Variants in DMD observed in about 807,000 individuals in gnomAD.
DMD encodes the protein mutant dystrophin.
In DMD, 63 loss-of-function variants were observed where a neutral mutation model predicts 330.1. The ratio of observed to expected loss-of-function variants is 0.19; its 90% confidence interval spans 0.16 to 0.24. DMD has a LOEUF of 0.24. Among genes scored for constraint, DMD ranks in the 10% least tolerant of loss-of-function variants. DMD has a pLI of 1.00. For synonymous variants in DMD, 1,223 were observed against 959.8 expected, an observed-to-expected ratio of 1.27 and a Z score of -5.07; for missense variants, 3,344 against 2,684.1, an observed-to-expected ratio of 1.25 and a Z score of -5.43.
intron 1 of DMD, among the ~76,000 whole-genome samples, chrX:33,096,046 C>T (rs1276211729): frequency 3.3e-5 from 3 of 89,667 alleles, no homozygotes; most frequent in East Asian, 7.7e-4. Flanking sequence ...GCGATCTCGG[C>T]TCACTGCAAC....
At chrX:31,742,025 T>G (rs2087388935) in intron 51 of DMD, among the ~76,000 whole-genome samples, 1 of 112,210 alleles carries the variant, frequency 8.9e-6, no homozygotes, top group Non-Finnish European at 1.9e-5. Flanking sequence ...TCATTAAGGC[T>G]CATGAACATA....
At chrX:32,824,123 G>A (rs2078503642) in intron 4 of DMD, among the ~76,000 whole-genome samples, 1 of 112,174 alleles carries the variant, frequency 8.9e-6, no homozygotes, top group African/African-American at 3.2e-5. Context: ...TGGTGAGGGT[G>A]TGGAGAAACT....
chrX:32,042,539 C>T (rs1005773947), intron 44 of DMD, among the ~76,000 whole-genome samples: 7 of 111,120 alleles, frequency 6.3e-5, no homozygotes, highest in South Asian at 3.9e-4. Context: ...CCTTGACACA[C>T]GGGGATTATA....
intron 1 of DMD, among the ~76,000 whole-genome samples, chrX:33,022,089 T>C (rs1293276408): frequency 1.8e-5 from 2 of 111,511 alleles, no homozygotes; most frequent in Non-Finnish European, 3.8e-5. Context: ...TAAAAGTAAA[T>C]GACCTTATTT....
At chrX:31,158,323 G>T (rs751998745) in intron 74 of DMD, among the ~76,000 whole-genome samples, 2 of 111,940 alleles carry the variant, frequency 1.8e-5, no homozygotes, top group South Asian at 7.5e-4. Flanking sequence ...AAAAGATTAC[G>T]CTATGTGAAA....
chrX:31,942,466 C>T (rs979488660), intron 45 of DMD, among the ~76,000 whole-genome samples: 1 of 112,240 alleles, frequency 8.9e-6, no homozygotes, highest in African/African-American at 3.2e-5. Context: ...TCTTTCTTTG[C>T]ACTGTATAGT....
intron 7 of DMD, among the ~76,000 whole-genome samples, chrX:32,791,701 T>A (rs1473646694): frequency 2.7e-5 from 3 of 111,430 alleles, no homozygotes; most frequent in Admixed American, 9.5e-5. Flanking sequence ...TAACAAAAAA[T>A]TTTAAAAAAA....
At chrX:32,260,731 A>G (rs138515154) in intron 43 of DMD, among the ~76,000 whole-genome samples, 1,332 of 95,691 alleles carry the variant, frequency 0.014, 17 homozygotes, top group African/African-American at 0.042. Context: ...AGAACTATAC[A>G]TTATCCCTCC....
chrX:32,151,459 A>G (rs950777264), intron 44 of DMD: 1 of 111,842 alleles, frequency 8.9e-6, no homozygotes, highest in South Asian at 3.8e-4. Flanking sequence ...ACAATCATCA[A>G]GGGAGTTTAG....
chrX:32,350,797 T>A lies in DMD; in HGVS notation c.5326-2269A>T, dbSNP rs1377566105. On this transcript the variant is annotated intron_variant, in intron 37 of 78. Transcript: ENST00000357033. ...CCAGCACAGTAGTCAAGGCTTCTCC[T>A]AATCTTGCCCCAAAGACTTGCCAGC... Among the ~76,000 whole-genome samples the A allele has an allele frequency of 5.4e-5, 6 of 111,531 alleles. No individual in the cohort carries two copies. In the East Asian group the frequency reaches 1.7e-3, roughly 31 times the overall value.
intron 44 of DMD, among the ~76,000 whole-genome samples, chrX:32,199,423 T>G (rs1225050580): frequency 9.0e-6 from 1 of 110,813 alleles, no homozygotes; most frequent in Non-Finnish European, 1.9e-5. Context: ...CACTGAGTGC[T>G]GTTGGGTACT....
chrX:32,812,462 G>A (rs995435578), intron 6 of DMD, among the ~76,000 whole-genome samples: 1 of 110,842 alleles, frequency 9.0e-6, no homozygotes, highest in Non-Finnish European at 1.9e-5. Flanking sequence ...GTAAAACCCC[G>A]ACACTACTAA....
chrX:33,149,144 A>C (rs2148619061), intron 1 of DMD, among the ~76,000 whole-genome samples: 1 of 110,567 alleles, frequency 9.0e-6, no homozygotes, highest in East Asian at 2.8e-4. Flanking sequence ...TATATAATAA[A>C]ATAATTATGT....
rs1048836742 is a variant in DMD, at chrX:33,021,780, C to A, written c.32-1580G>T. Reference sequence around the variant, plus strand: ...TATTTAATTATGTTATTCACACAAGCTTCTATATGTATGTTCAATATCAAC... The same window carrying A: ...TATTTAATTATGTTATTCACACAAGATTCTATATGTATGTTCAATATCAAC... On this transcript the variant is annotated intron_variant, in intron 1 of 78. Transcript: ENST00000357033. 1.9e-4 allele frequency among the ~76,000 whole-genome samples: 21 copies of A among 111,511 alleles called. No homozygotes were observed. In the East Asian group the frequency reaches 5.6e-3, roughly 30 times the overall value.
chrX:31,141,310 C>G (rs1407406279), intron 76 of DMD, among the ~76,000 whole-genome samples: 4 of 112,325 alleles, frequency 3.6e-5, no homozygotes, highest in Non-Finnish European at 3.8e-5. Context: ...TGCTATATTT[C>G]AGGTTAAGAA....
intron 55 of DMD, among the ~76,000 whole-genome samples, chrX:31,622,071 C>T (rs192882447): frequency 2.6e-4 from 29 of 111,286 alleles, no homozygotes; most frequent in African/African-American, 9.5e-4. Context: ...TAAAATCCAC[C>T]GTTCTAGGTG....
At chrX:31,218,071 A>G (rs555033688) in intron 64 of DMD, among the ~76,000 whole-genome samples, 1 of 112,016 alleles carries the variant, frequency 8.9e-6, no homozygotes, top group South Asian at 3.7e-4. Flanking sequence ...TGGAAATTAT[A>G]AGTTGAAATG....
intron 7 of DMD, among the ~76,000 whole-genome samples, chrX:32,757,352 G>C (rs2071631945): frequency 1.8e-5 from 2 of 111,397 alleles, no homozygotes; most frequent in African/African-American, 6.5e-5. Flanking sequence ...AGAAAATGTT[G>C]AGACATACAC....
In DMD at chrX:32,841,566, T is replaced by C. The variant is rs148591178; in HGVS notation, c.264+3217A>G. Among the ~76,000 whole-genome samples, 303 of 111,931 alleles carry C rather than the reference T, an allele frequency of 2.7e-3. 1 individual carries two copies. Among genetic ancestry groups the C allele is most frequent in the Non-Finnish European group, 4.3e-3 (228 of 53,158 alleles). On this transcript the variant is annotated intron_variant, in intron 4 of 78. Transcript: ENST00000357033. ...GACCCACATATGTACGGACAAATTT[T>C]TAATGACACACTTAGTACTGTGAAG...
Sources: allele counts gnomAD v4.1 joint callset (sites outside exome capture counted in the v4.1 genomes callset), GRCh38; gene constraint gnomAD v4.1.1; transcripts MANE v1.5; gene names NCBI Gene and HGNC (gene_info 2026-07-23, HGNC 2026-07-21).